PTPRK: variants seen among roughly 807,000 people sequenced by gnomAD.
The protein encoded by PTPRK is receptor-type tyrosine-protein phosphatase kappa.
In PTPRK, 75 loss-of-function variants were observed where a neutral mutation model predicts 178.0. The observed-to-expected ratio is 0.42, with a 90% CI of 0.35 to 0.51. The LOEUF (loss-of-function observed/expected upper bound fraction) is 0.51. Among genes scored for constraint, PTPRK ranks in the 20% least tolerant of loss-of-function variants. The pLI, the probability that PTPRK is intolerant of heterozygous loss-of-function variation, is 0.02. For missense variants in PTPRK, 1,441 were observed against 1,797.8 expected, an observed-to-expected ratio of 0.80 and a Z score of 3.59; for synonymous variants, 637 against 620.6, an observed-to-expected ratio of 1.03 and a Z score of -0.39.
chr6:128,280,995 T>G (rs1263494725), intron 3 of PTPRK, among the ~76,000 whole-genome samples: 1 of 152,184 alleles, frequency 6.6e-6, no homozygotes, highest in Non-Finnish European at 1.5e-5. Context: ...ATCTAGGTGA[T>G]AGTGATTTCT....
At chr6:127,982,770 T>G in intron 24 of PTPRK, 61 bp downstream of exon 24, 1 of 1,464,722 alleles carries the variant, frequency 6.8e-7, no homozygotes, top group Non-Finnish European at 9.3e-7. Flanking sequence ...CTTGAAAGGA[T>G]TCCTAGCGCC....
chr6:128,089,642 T>A, intron 8 of PTPRK, 48 bp downstream of exon 8: 1 of 1,498,018 alleles, frequency 6.7e-7, no homozygotes, highest in Non-Finnish European at 9.2e-7. Flanking sequence ...AATCACATTT[T>A]TCTTGTTAGA....
chr6:128,415,007 T>C (rs1842686728), intron 1 of PTPRK, among the ~76,000 whole-genome samples: 1 of 152,198 alleles, frequency 6.6e-6, no homozygotes, highest in South Asian at 2.1e-4. Context: ...AGCTATTAAT[T>C]GGTGAACTGA....
chr6:127,990,576 C>T (rs992933392), intron 21 of PTPRK, among the ~76,000 whole-genome samples, 193 bp downstream of exon 21: 38 of 152,016 alleles, frequency 2.5e-4, no homozygotes, highest in Admixed American at 6.6e-4. Context: ...AAGATCCACA[C>T]GAGGCGATTT....
At chr6:128,479,681 G>C (rs984219957) in intron 1 of PTPRK, among the ~76,000 whole-genome samples, 3 of 152,086 alleles carry the variant, frequency 2.0e-5, no homozygotes, top group Non-Finnish European at 4.4e-5. Flanking sequence ...AAAGAGAAAT[G>C]ATTAGAGGGG....
chr6:128,378,752 G>A (rs1837462452), intron 2 of PTPRK, among the ~76,000 whole-genome samples: 1 of 151,942 alleles, frequency 6.6e-6, no homozygotes, highest in Non-Finnish European at 1.5e-5. Context: ...TCTCACTTTT[G>A]GAGAAATTTT....
chr6:128,058,591 T>G (rs1042504242), intron 13 of PTPRK, among the ~76,000 whole-genome samples: 3 of 152,136 alleles, frequency 2.0e-5, no homozygotes, highest in Admixed American at 2.0e-4. Context: ...CCTCTGTAAA[T>G]TCTATTTTAC....
intron 7 of PTPRK, among the ~76,000 whole-genome samples, chr6:128,094,311 T>C (rs924261172): frequency 6.6e-5 from 10 of 152,194 alleles, no homozygotes; most frequent in Admixed American, 2.6e-4. Flanking sequence ...TGTGGAGACA[T>C]TGAATGTAGA....
intron 19 of PTPRK, among the ~76,000 whole-genome samples, chr6:127,991,966 A>G (rs1776658660): frequency 6.6e-6 from 1 of 151,792 alleles, no homozygotes; most frequent in African/African-American, 2.4e-5. Context: ...GAACTCAATT[A>G]CTCCAAAGAT....
intron 3 of PTPRK, among the ~76,000 whole-genome samples, chr6:128,243,488 TAAAAA>T (rs760606919): frequency 2.5e-4 from 15 of 59,138 alleles, no homozygotes; most frequent in Non-Finnish European, 4.5e-4. Flanking sequence ...AGCCTGTCGC[TAAAAA>T]AAAAAAAAAA....
chr6:128,244,654 T>C (rs1815126920), intron 3 of PTPRK, among the ~76,000 whole-genome samples: 1 of 152,180 alleles, frequency 6.6e-6, no homozygotes, highest in African/African-American at 2.4e-5. Context: ...TATCTAATAA[T>C]CTCCAGCCAT....
intron 1 of PTPRK, among the ~76,000 whole-genome samples, chr6:128,456,436 C>T (rs1398731228): frequency 6.6e-6 from 1 of 151,354 alleles, no homozygotes; most frequent in Non-Finnish European, 1.5e-5. Context: ...ATTGTTTACC[C>T]TGAGTAAAAA....
intron 6 of PTPRK, among the ~76,000 whole-genome samples, chr6:128,212,456 G>A (rs1370583211): frequency 1.3e-5 from 2 of 151,968 alleles, no homozygotes; most frequent in Non-Finnish European, 2.9e-5. Context: ...TATAAACTAC[G>A]AAGACACTCG....
chr6:128,492,274 C>T (rs983999919), intron 1 of PTPRK, among the ~76,000 whole-genome samples: 8 of 152,108 alleles, frequency 5.3e-5, no homozygotes, highest in African/African-American at 1.9e-4. Flanking sequence ...GCTGATATCC[C>T]CTCCTAGGCA....
chr6:128,503,549 G>A (rs557578491), intron 1 of PTPRK, among the ~76,000 whole-genome samples: 5 of 152,254 alleles, frequency 3.3e-5, no homozygotes, highest in Non-Finnish European at 5.9e-5. Context: ...TATATACACT[G>A]CCTGGCACAG....
chr6:128,411,694 C>A (rs1029165888), intron 1 of PTPRK, among the ~76,000 whole-genome samples: 1 of 152,074 alleles, frequency 6.6e-6, no homozygotes, highest in Non-Finnish European at 1.5e-5. Flanking sequence ...AAGTGTAAAG[C>A]CAATAGCTAT....
At chr6:128,329,729 TA>T (rs1360268539) in intron 2 of PTPRK, among the ~76,000 whole-genome samples, 1 of 151,788 alleles carries the variant, frequency 6.6e-6, no homozygotes, top group Non-Finnish European at 1.5e-5. Flanking sequence ...GTGGGAGGGC[TA>T]TCTGCTTTAC....
intron 6 of PTPRK, among the ~76,000 whole-genome samples, chr6:128,205,679 G>C (rs1806811650): frequency 6.8e-6 from 1 of 148,104 alleles, no homozygotes; most frequent in Non-Finnish European, 1.5e-5. Context: ...GTGGAGGCAG[G>C]AGAGTTGCTC....
At chr6:128,280,374 T>C (rs923504316) in intron 3 of PTPRK, among the ~76,000 whole-genome samples, 1 of 152,184 alleles carries the variant, frequency 6.6e-6, no homozygotes, top group Non-Finnish European at 1.5e-5. Context: ...TGTTCCTATA[T>C]GATCTCAGTA....
Sources: gnomAD v4.1 joint callset for allele counts (sites outside exome capture counted in the v4.1 genomes callset) on GRCh38, gnomAD v4.1.1 for gene constraint, MANE v1.5 for transcripts, NCBI Gene and HGNC (gene_info 2026-07-23, HGNC 2026-07-21) for gene names.